Variants in TOX observed in about 807,000 individuals in gnomAD.
The protein encoded by TOX is thymocyte selection-associated high mobility group box protein TOX.
TOX carries 11 observed loss-of-function variants against 53.7 expected under a neutral mutation model. The observed-to-expected ratio is 0.20, with a 90% CI of 0.13 to 0.34. The LOEUF (loss-of-function observed/expected upper bound fraction) is 0.34, where lower values mean the gene tolerates loss of function less well. Ranked by LOEUF, TOX falls within the 10% of genes least tolerant of loss-of-function variation. The pLI is 1.00. For missense variants in TOX, 570 were observed against 664.6 expected (o/e 0.86, Z 1.56); for synonymous variants, 225 against 245.3 (o/e 0.92, Z 0.77).
chr8:58,902,460 T>C (rs1274708383), intron 3 of TOX, among the ~76,000 whole-genome samples: 1 of 152,124 alleles, frequency 6.6e-6, no homozygotes, highest in Non-Finnish European at 1.5e-5. Flanking sequence ...TCTCTGGAAA[T>C]TGAGTGCTGG....
intron 1 of TOX, among the ~76,000 whole-genome samples, chr8:58,988,995 G>C (rs1813389066): frequency 6.6e-6 from 1 of 152,140 alleles, no homozygotes; most frequent in African/African-American, 2.4e-5. Context: ...TCTCCTCCAA[G>C]AACCTGGCAG....
chr8:59,042,218 G>A (rs143401477), intron 1 of TOX, among the ~76,000 whole-genome samples: 2 of 152,282 alleles, frequency 1.3e-5, no homozygotes, highest in Non-Finnish European at 2.9e-5. Flanking sequence ...TGCATGTCAA[G>A]GAGCCCTGAG....
At chr8:58,908,059 A>G (rs1811848098) in intron 3 of TOX, among the ~76,000 whole-genome samples, 1 of 152,148 alleles carries the variant, frequency 6.6e-6, no homozygotes, top group African/African-American at 2.4e-5. Flanking sequence ...CCCAGCATAC[A>G]TTAGCTATTC....
At chr8:59,021,481 A>AAATATATATATATATATATAT (rs59174995) in intron 1 of TOX, among the ~76,000 whole-genome samples, 3 of 64,736 alleles carry the variant, frequency 4.6e-5, no homozygotes, top group East Asian at 4.5e-4. Flanking sequence ...AAAAAAAAAA[A>AAATATATATATATATATATAT]ATATATATAT....
At chr8:58,888,992 G>C (rs1047072710) in intron 3 of TOX, among the ~76,000 whole-genome samples, 1 of 151,856 alleles carries the variant, frequency 6.6e-6, no homozygotes, top group African/African-American at 2.4e-5. Flanking sequence ...TCATCTATCA[G>C]ATTGGGCAAA....
At position 58,850,514 on chromosome 8, in the gene TOX, G is replaced by A. The variant is rs76985828; in HGVS notation, c.693+1010C>T. Among the ~76,000 whole-genome samples the A allele has an allele frequency of 8.2e-3, 1,244 of 152,290 alleles. 14 individuals carry two copies. The highest frequency in any genetic ancestry group is 0.028 in the African/African-American group (1,143 of 41,546). On this transcript the variant is annotated intron_variant, in intron 4 of 8. Coordinates refer to ENST00000361421, the MANE Select transcript of TOX (RefSeq NM_014729.3). ...GTTGTCTGACACTTAGCCTAGGGGC[G>A]ATGTAGGGTAGAGGGAATACTGGCT...
chr8:58,880,644 GAGAT>G (rs1378146545), intron 3 of TOX, among the ~76,000 whole-genome samples: 1 of 152,170 alleles, frequency 6.6e-6, no homozygotes, highest in Non-Finnish European at 1.5e-5. Context: ...CAAAATGTGA[GAGAT>G]AGAGCTCTGC....
intron 2 of TOX, among the ~76,000 whole-genome samples, chr8:58,956,656 C>T (rs937136423): frequency 1.3e-5 from 2 of 152,196 alleles, no homozygotes; most frequent in Non-Finnish European, 2.9e-5. Flanking sequence ...GGCTAAAGTA[C>T]AGTGGTGCGA....
rs1320971839 is a variant in TOX, at chr8:58,900,305, C to T, written c.411+38997G>A. On this transcript the variant is annotated intron_variant, in intron 3 of 8. Coordinates refer to ENST00000361421, the MANE Select transcript of TOX (RefSeq NM_014729.3). ...CAAAATGGCTTTTTAAAATGTATGC[C>T]TGGCATTTATATAATACAACCTCTA... 2.0e-5 allele frequency among the ~76,000 whole-genome samples: 3 copies of T among 152,102 alleles called. No homozygotes were observed. In the East Asian group the frequency reaches 5.8e-4, roughly 29 times the overall value.
At chr8:58,888,508 T>C (rs1811508538) in intron 3 of TOX, among the ~76,000 whole-genome samples, 1 of 152,000 alleles carries the variant, frequency 6.6e-6, no homozygotes, top group Non-Finnish European at 1.5e-5. Flanking sequence ...TACAAAGAAA[T>C]ACCTATAGAA....
chr8:58,993,784 A>G (rs1343594149), intron 1 of TOX, among the ~76,000 whole-genome samples: 1 of 152,096 alleles, frequency 6.6e-6, no homozygotes, highest in African/African-American at 2.4e-5. Flanking sequence ...TTATCCTTTT[A>G]TATGGATTGC....
At chr8:59,111,890 G>C (rs392450) in intron 1 of TOX, among the ~76,000 whole-genome samples, 1 of 152,066 alleles carries the variant, frequency 6.6e-6, no homozygotes, top group South Asian at 2.1e-4. Context: ...GGCTAAAGCA[G>C]AACCATTTAA....
Position 59,053,013 on chromosome 8 carries a change from G to A in TOX, c.102+65873C>T, listed in dbSNP as rs1002846274. Among the ~76,000 whole-genome samples, 4 of 152,088 alleles carry A rather than the reference G, an allele frequency of 2.6e-5. No individual in the cohort carries two copies. In the East Asian group the frequency reaches 7.7e-4, roughly 29 times the overall value. ...GACTTAGATAAATCAATATTTATTT[G>A]AATTCCATATGGCAATAAAACTAAT... On this transcript the variant is annotated intron_variant, in intron 1 of 8. Coordinates refer to ENST00000361421, the MANE Select transcript of TOX (RefSeq NM_014729.3).
chr8:58,969,945 G>A (rs1812973254), intron 1 of TOX, among the ~76,000 whole-genome samples: 1 of 152,154 alleles, frequency 6.6e-6, no homozygotes, highest in African/African-American at 2.4e-5. Context: ...CCCTTTTGCT[G>A]AAAAATTTGG....
At chr8:58,815,169 T>C (rs1810152301) in intron 7 of TOX, among the ~76,000 whole-genome samples, 169 bp downstream of exon 7, 1 of 152,176 alleles carries the variant, frequency 6.6e-6, no homozygotes, top group African/African-American at 2.4e-5. Context: ...TAAATTACAT[T>C]TTACAGAAAG....
intron 1 of TOX, among the ~76,000 whole-genome samples, chr8:59,058,404 A>T (rs1182238948): frequency 6.6e-6 from 1 of 152,220 alleles, no homozygotes; most frequent in African/African-American, 2.4e-5. Flanking sequence ...AGTGGTCCAG[A>T]AGGAGCAAGT....
chr8:59,007,451 C>T (rs958666069), intron 1 of TOX, among the ~76,000 whole-genome samples: 1 of 151,884 alleles, frequency 6.6e-6, no homozygotes, highest in African/African-American at 2.4e-5. Flanking sequence ...AGTTTAAGAA[C>T]AGTATATCTA....
chr8:59,094,978 A>G (rs1433480090), intron 1 of TOX, among the ~76,000 whole-genome samples: 1 of 152,214 alleles, frequency 6.6e-6, no homozygotes, highest in Non-Finnish European at 1.5e-5. Context: ...TGATATAAAA[A>G]CGAAGAATAG....
At chr8:58,905,406 T>C (rs1811796615) in intron 3 of TOX, among the ~76,000 whole-genome samples, 1 of 152,214 alleles carries the variant, frequency 6.6e-6, no homozygotes, top group Non-Finnish European at 1.5e-5. Flanking sequence ...ACCTGAACAT[T>C]TTCTAACTTG....
Sources: gnomAD v4.1 joint callset for allele counts (sites outside exome capture counted in the v4.1 genomes callset) on GRCh38, gnomAD v4.1.1 for gene constraint, MANE v1.5 for transcripts, NCBI Gene and HGNC (gene_info 2026-07-23, HGNC 2026-07-21) for gene names.